DACH2: variants seen among roughly 807,000 people sequenced by gnomAD.
DACH2 encodes the protein dachshund homolog 2.
In DACH2, 17 loss-of-function variants were observed where a neutral mutation model predicts 35.8. The observed-to-expected ratio is 0.48, with a 90% confidence interval of 0.33 to 0.71. The LOEUF is 0.71. DACH2 is among the 30% of genes least tolerant of loss of function. The pLI is 0.02. For synonymous variants in DACH2, 195 were observed against 177.3 expected (o/e 1.10, Z -0.79); for missense variants, 469 against 472.7 (o/e 0.99, Z 0.07).
At chrX:86,401,335 G>T (rs1358592948) in intron 2 of DACH2, among the ~76,000 whole-genome samples, 1 of 112,205 alleles carries the variant, frequency 8.9e-6, no homozygotes, top group Non-Finnish European at 1.9e-5. Context: ...CCCGGGTGAG[G>T]TGATGCCTTG....
intron 2 of DACH2, among the ~76,000 whole-genome samples, chrX:86,422,918 G>A (rs902858085): frequency 3.6e-5 from 4 of 111,204 alleles, no homozygotes; most frequent in African/African-American, 1.3e-4. Flanking sequence ...GAGAACAGGT[G>A]ATGTTTGTCT....
intron 7 of DACH2, among the ~76,000 whole-genome samples, chrX:86,745,167 T>A (rs1424975458): frequency 8.9e-6 from 1 of 111,842 alleles, no homozygotes; most frequent in African/African-American, 3.2e-5. Context: ...ATATTTTAAG[T>A]TAACCCACAG....
At chrX:86,493,760 C>A (rs1382159417) in intron 2 of DACH2, among the ~76,000 whole-genome samples, 1 of 111,774 alleles carries the variant, frequency 8.9e-6, no homozygotes, top group African/African-American at 3.3e-5. Context: ...CATGGTCTGC[C>A]TGATAGTAAA....
intron 2 of DACH2, among the ~76,000 whole-genome samples, chrX:86,432,327 T>C (rs780614218): frequency 4.4e-5 from 5 of 112,516 alleles, no homozygotes; most frequent in African/African-American, 1.6e-4. Flanking sequence ...TAATTGCTAC[T>C]GTTTTAAACA....
chrX:86,732,073 C>T (rs2041538463), intron 6 of DACH2, among the ~76,000 whole-genome samples: 1 of 112,054 alleles, frequency 8.9e-6, no homozygotes, highest in Non-Finnish European at 1.9e-5. Flanking sequence ...CTATATTAGA[C>T]AGCACAGTTA....
chrX:86,634,268 C>A (rs922802111), intron 3 of DACH2, among the ~76,000 whole-genome samples: 2 of 111,180 alleles, frequency 1.8e-5, no homozygotes, highest in African/African-American at 6.5e-5. Flanking sequence ...GGCGGGGAGA[C>A]AAATCGAAAC....
chrX:86,732,742 C>T (rs2041545808), intron 6 of DACH2, among the ~76,000 whole-genome samples: 1 of 111,744 alleles, frequency 8.9e-6, no homozygotes, highest in Non-Finnish European at 1.9e-5. Context: ...ATGTATTAGC[C>T]AATATTTTCT....
intron 2 of DACH2, among the ~76,000 whole-genome samples, chrX:86,436,965 A>G (rs909383655): frequency 4.5e-5 from 5 of 111,166 alleles, no homozygotes; most frequent in African/African-American, 1.6e-4. Flanking sequence ...CTATCCTTAT[A>G]TTGTCCATGA....
At chrX:86,309,164 G>C (rs961767709) in intron 1 of DACH2, among the ~76,000 whole-genome samples, 1 of 112,069 alleles carries the variant, frequency 8.9e-6, no homozygotes, top group Non-Finnish European at 1.9e-5. Flanking sequence ...CACAGAGGTG[G>C]TGATTCCCAC....
At chrX:86,592,216 T>A (rs1167350264) in intron 3 of DACH2, among the ~76,000 whole-genome samples, 1 of 111,931 alleles carries the variant, frequency 8.9e-6, no homozygotes, top group African/African-American at 3.2e-5. Flanking sequence ...GTGTAAGATC[T>A]GTATCTAGAT....
chrX:86,275,481 A>G (rs747365322), intron 1 of DACH2, among the ~76,000 whole-genome samples: 2 of 111,655 alleles, frequency 1.8e-5, no homozygotes, highest in East Asian at 5.6e-4. Context: ...CCAAGCATAC[A>G]ATGTGAAATA....
At chrX:86,229,359 G>A (rs764705709) in intron 1 of DACH2, among the ~76,000 whole-genome samples, 85 of 112,123 alleles carry the variant, frequency 7.6e-4, no homozygotes, top group Non-Finnish European at 1.2e-3. Context: ...ATGCCATTTT[G>A]GTGACTATGG....
At chrX:86,505,596 T>C (rs1003930190) in intron 2 of DACH2, among the ~76,000 whole-genome samples, 1 of 107,844 alleles carries the variant, frequency 9.3e-6, no homozygotes, top group Non-Finnish European at 1.9e-5. Context: ...TCATCTATGT[T>C]GTAGCATGTG....
At chrX:86,331,892 G>T (rs930643096) in intron 1 of DACH2, among the ~76,000 whole-genome samples, 1 of 110,825 alleles carries the variant, frequency 9.0e-6, no homozygotes, top group African/African-American at 3.3e-5. Flanking sequence ...TCAAGACACT[G>T]GGAGGTTCTG....
intron 2 of DACH2, among the ~76,000 whole-genome samples, chrX:86,398,650 C>T (rs765111953): frequency 3.6e-5 from 4 of 111,805 alleles, no homozygotes; most frequent in Non-Finnish European, 7.5e-5. Context: ...GTTATGTACC[C>T]AGTGGTTATT....
intron 4 of DACH2, among the ~76,000 whole-genome samples, chrX:86,661,924 C>A (rs952754958): frequency 8.9e-6 from 1 of 111,801 alleles, no homozygotes; most frequent in South Asian, 3.7e-4. Context: ...TTTTTAGAGG[C>A]AAGCTGATCC....
Position 86,457,286 on chromosome X carries a change from A to G in DACH2, c.528-56993A>G, listed in dbSNP as rs752364797. Among the ~76,000 whole-genome samples the G allele has an allele frequency of 3.6e-5, 4 of 111,966 alleles. No homozygotes were observed. The East Asian group carries it at 1.1e-3, about 32-fold the overall frequency. On this transcript the variant is annotated intron_variant, in intron 2 of 11. Transcript: ENST00000373125. Reference sequence around the variant, plus strand: ...AACGGTTCTCTAAGTAACAGCTATTATAGGGACCAGAGTGTTACATAACCT... The same window carrying G: ...AACGGTTCTCTAAGTAACAGCTATTGTAGGGACCAGAGTGTTACATAACCT...
At chrX:86,688,094 G>A (rs1402158996) in intron 4 of DACH2, among the ~76,000 whole-genome samples, 1 of 111,573 alleles carries the variant, frequency 9.0e-6, no homozygotes, top group Non-Finnish European at 1.9e-5. Context: ...AACATTTGTA[G>A]TGCAAGTTGG....
chrX:86,186,297 A>G (rs1478293499), intron 1 of DACH2, among the ~76,000 whole-genome samples: 1 of 112,755 alleles, frequency 8.9e-6, no homozygotes, highest in East Asian at 2.8e-4. Flanking sequence ...CAGGGAGATG[A>G]TAGTATTGGC....
Sources: gnomAD v4.1 joint callset for allele counts (sites outside exome capture counted in the v4.1 genomes callset) on GRCh38, gnomAD v4.1.1 for gene constraint, MANE v1.5 for transcripts, NCBI Gene and HGNC (gene_info 2026-07-23, HGNC 2026-07-21) for gene names.